SLC35D2: variants seen among roughly 807,000 people sequenced by gnomAD.
SLC35D2 encodes nucleotide sugar transporter SLC35D2.
Under a neutral mutation model 41.8 loss-of-function variants are expected in SLC35D2, and 43 were observed. The observed-to-expected ratio is 1.03, with a 90% confidence interval of 0.81 to 1.33. The LOEUF (loss-of-function observed/expected upper bound fraction) is 1.33. Among genes scored for constraint, SLC35D2 ranks in the 40% most tolerant of loss-of-function variants. The probability of loss-of-function intolerance (pLI) is 0.00; values close to 1 mark genes in which losing one functional copy is unlikely to be tolerated. For synonymous variants in SLC35D2, 150 were observed against 163.9 expected (o/e 0.92, Z 0.65); for missense variants, 380 against 408.4 (o/e 0.93, Z 0.60).
At chr9:96,367,200 A>T (rs1278653514) in intron 2 of SLC35D2, among the ~76,000 whole-genome samples, 4 of 145,774 alleles carry the variant, frequency 2.7e-5, no homozygotes, top group Admixed American at 1.4e-4. Context: ...AGCCTGGGCG[A>T]CAGGCTGAGA....
At chr9:96,372,907 G>GT (rs111536756) in intron 1 of SLC35D2, among the ~76,000 whole-genome samples, 1,674 of 133,880 alleles carry the variant, frequency 0.013, 15 homozygotes, top group African/African-American at 0.029. Flanking sequence ...TTGTTTTTTT[G>GT]TTTTTTTTTT....
chr9:96,352,345 A>G (rs1417103781), intron 4 of SLC35D2, among the ~76,000 whole-genome samples: 1 of 152,012 alleles, frequency 6.6e-6, no homozygotes, highest in Non-Finnish European at 1.5e-5. Context: ...TTTTGGAGAC[A>G]GAGTCTCGCT....
Position 96,360,190 on chromosome 9 carries a change from T to A in SLC35D2, c.311A>T (p.Asn104Ile). Residue 104 changes from asparagine (N) to isoleucine (I), a missense_variant, in exon 4 of 12, where the codon AAC becomes ATC. Physicochemically the swap from Asn to Ile is moderately radical, Grantham distance 149. Transcript: ENST00000253270. ...TGTGCTTGATAATCCACTTATGTGGTTTCCAACGTAGAGGAGAGGCAGAGG... is the reference window on the plus strand; with the variant it reads ...TGTGCTTGATAATCCACTTATGTGGATTCCAACGTAGAGGAGAGGCAGAGG... ...LFPLPLLYVG[N>I]HISGLSSTSK... 1 of 1,613,014 alleles carries A rather than the reference T, an allele frequency of 6.2e-7. No individual in the cohort carries two copies. The highest frequency in any genetic ancestry group is 8.5e-7 in the Non-Finnish European group (1 of 1,179,466).
At chr9:96,333,018 C>T (rs909216054) in intron 9 of SLC35D2, among the ~76,000 whole-genome samples, 9 of 150,386 alleles carry the variant, frequency 6.0e-5, no homozygotes, top group Non-Finnish European at 8.9e-5. Flanking sequence ...CCTGCCTCAG[C>T]CTCCTGAGTA....
intron 1 of SLC35D2, among the ~76,000 whole-genome samples, chr9:96,368,921 T>C (rs1386109988): frequency 1.3e-5 from 2 of 151,946 alleles, no homozygotes; most frequent in Non-Finnish European, 2.9e-5. Flanking sequence ...CGCACCACCA[T>C]GCCCGGTTAA....
intron 9 of SLC35D2, among the ~76,000 whole-genome samples, chr9:96,331,127 A>G (rs1461396788): frequency 6.6e-6 from 1 of 152,108 alleles, no homozygotes; most frequent in Non-Finnish European, 1.5e-5. Flanking sequence ...CGAACGCCTG[A>G]CCTCAAGTGA....
At chr9:96,373,688 A>ATC (rs1830810511) in intron 1 of SLC35D2, among the ~76,000 whole-genome samples, 1 of 137,018 alleles carries the variant, frequency 7.3e-6, no homozygotes, top group African/African-American at 2.9e-5. Flanking sequence ...ACTCTCTCAA[A>ATC]AAAAAAAAAA....
chr9:96,315,722 C>T (rs549966066), downstream of SLC35D2, among the ~76,000 whole-genome samples: 12 of 152,238 alleles, frequency 7.9e-5, no homozygotes, highest in East Asian at 1.9e-4. Flanking sequence ...TGTGAGCCAC[C>T]GCACCTGGCT....
intron 1 of SLC35D2, among the ~76,000 whole-genome samples, chr9:96,371,237 G>A (rs1231328902): frequency 6.6e-6 from 1 of 151,938 alleles, no homozygotes; most frequent in African/African-American, 2.4e-5. Flanking sequence ...GGCCGAGGCG[G>A]GTGGATCACC....
chr9:96,325,117 C>T lies in SLC35D2; in HGVS notation c.753-948G>A, dbSNP rs536027939. ...AGTTAACTCAGGCACTTAACATGACCGTAGGTATTGATACTTACTTGCCAA... is the reference window on the plus strand; with the variant it reads ...AGTTAACTCAGGCACTTAACATGACTGTAGGTATTGATACTTACTTGCCAA... On this transcript the variant is annotated intron_variant, in intron 9 of 11. Coordinates refer to ENST00000253270, the MANE Select transcript of SLC35D2 (RefSeq NM_007001.3). 4.6e-5 allele frequency among the ~76,000 whole-genome samples: 7 copies of T among 152,276 alleles called. No individual in the cohort carries two copies. In the South Asian group the frequency reaches 8.3e-4, roughly 18 times the overall value.
At position 96,360,212 on chromosome 9, in the gene SLC35D2, G is replaced by A. The variant is rs1243142312; in HGVS notation, c.289C>T (p.Leu97=). 6.2e-7 allele frequency: 1 copy of A among 1,610,932 alleles called. No individual in the cohort carries two copies. Among genetic ancestry groups the A allele is most frequent in the Non-Finnish European group, 8.5e-7 (1 of 1,178,140 alleles). ...DKKIPVKLFP[L]PLLYVGNHIS... ...TGGTTTCCAACGTAGAGGAGAGGCA[G>A]AGGAAACAGCTTCCATTAAAAAAAA... The change falls in exon 4 of 12, where the codon CTG becomes TTG. Residue 97 remains leucine (L), a synonymous_variant. Transcript: ENST00000253270.
chr9:96,367,315 C>A (rs1027236612), intron 2 of SLC35D2, among the ~76,000 whole-genome samples: 1 of 151,384 alleles, frequency 6.6e-6, no homozygotes, highest in African/African-American at 2.4e-5. Flanking sequence ...GTACTATTTT[C>A]ATAATGTTAA....
rs527495566 is a variant in SLC35D2 at position 96,360,553 on chromosome 9, C to T, written c.280-332G>A. Among the ~76,000 whole-genome samples the T allele has an allele frequency of 1.1e-4, 15 of 136,046 alleles. No individual in the cohort carries two copies. In the South Asian group the frequency reaches 2.1e-3, roughly 19 times the overall value. 89.3% of individuals were successfully genotyped at this position (136,046 alleles called of 152,430 possible). A position where few individuals can be genotyped will look rare whatever the true frequency, so the allele number is the denominator to read the frequency against. Reference sequence around the variant, plus strand: ...CTGAGGCAGGAGAATCACTTGAACCCGGCGGGCAGAGGTTGCAGTGAGCCA... The same window carrying T: ...CTGAGGCAGGAGAATCACTTGAACCTGGCGGGCAGAGGTTGCAGTGAGCCA... On this transcript the variant is annotated intron_variant, in intron 3 of 11. Transcript: ENST00000253270.
At chr9:96,375,252 A>T (rs1251417937) in intron 1 of SLC35D2, among the ~76,000 whole-genome samples, 1 of 151,840 alleles carries the variant, frequency 6.6e-6, no homozygotes, top group Non-Finnish European at 1.5e-5. Flanking sequence ...TGAATTCTTT[A>T]TAATAATCAC....
intron 4 of SLC35D2, among the ~76,000 whole-genome samples, chr9:96,355,964 T>G (rs974934557): frequency 6.6e-6 from 1 of 152,238 alleles, no homozygotes; most frequent in East Asian, 1.9e-4. Flanking sequence ...TCTGACCCTT[T>G]ATGCCTCATG....
intron 9 of SLC35D2, among the ~76,000 whole-genome samples, chr9:96,335,698 T>C (rs1459660825): frequency 6.6e-6 from 1 of 152,156 alleles, no homozygotes; most frequent in Admixed American, 6.5e-5. Flanking sequence ...TTCAAGTCTT[T>C]AGAAGACTGA....
intron 8 of SLC35D2, among the ~76,000 whole-genome samples, chr9:96,338,699 T>C (rs371675050): frequency 6.6e-6 from 1 of 152,198 alleles, no homozygotes; most frequent in South Asian, 2.1e-4. Flanking sequence ...TTTTGTTAAA[T>C]GTTCACTTAT....
intron 1 of SLC35D2, among the ~76,000 whole-genome samples, chr9:96,369,361 A>G (rs1219649592): frequency 2.0e-5 from 3 of 152,208 alleles, no homozygotes; most frequent in Non-Finnish European, 4.4e-5. Context: ...GAACTTATTT[A>G]TAGAATCAGT....
intron 4 of SLC35D2, among the ~76,000 whole-genome samples, chr9:96,359,274 CTCT>C: frequency 8.2e-6 from 1 of 121,284 alleles, no homozygotes; most frequent in Non-Finnish European, 1.7e-5. Context: ...ACTGCACTCA[CTCT>C]AGCCTGGGCG....
Sources: gnomAD v4.1 joint callset for allele counts (sites outside exome capture counted in the v4.1 genomes callset) on GRCh38, gnomAD v4.1.1 for gene constraint, MANE v1.5 for transcripts, NCBI Gene and HGNC (gene_info 2026-07-23, HGNC 2026-07-21) for gene names.